USP21: variants seen among roughly 807,000 people sequenced by gnomAD.
The protein encoded by USP21 is ubiquitin specific peptidase 21.
In USP21, 37 loss-of-function variants were observed where a neutral mutation model predicts 70.8. The ratio of observed to expected loss-of-function variants is 0.52; its 90% confidence interval spans 0.40 to 0.69. The LOEUF (loss-of-function observed/expected upper bound fraction) is 0.69. Among genes scored for constraint, USP21 ranks in the 30% least tolerant of loss-of-function variants. The probability of loss-of-function intolerance (pLI) is 0.00; values close to 1 mark genes in which losing one functional copy is unlikely to be tolerated. For missense variants in USP21, 584 were observed against 740.8 expected (o/e 0.79, Z 2.46); for synonymous variants, 263 against 283.1 (o/e 0.93, Z 0.71).
Position 161,160,474 on chromosome 1 carries a change from T to C in USP21, c.-54T>C. 1 of 871,158 alleles carries C rather than the reference T, an allele frequency of 1.1e-6. No homozygotes were observed. The allele number at this position is 871,158 out of a possible 1,614,324, so 54.0% of individuals were successfully genotyped here. ...AGTGGTGATGACTGAGCCAACCACC[T>C]AATGTGGAAATGAGAGGACAGCAAG... On this transcript the variant is annotated 5_prime_UTR_variant, in exon 2 of 14. It removes the in-frame stop codon of an upstream open reading frame in the 5' UTR. Transcript: ENST00000368002.
rs1657940659 is a variant in USP21 at position 161,161,688 on chromosome 1, G to A, written c.601-350G>A. On this transcript the variant is annotated intron_variant, in intron 3 of 13. Coordinates refer to ENST00000368002, the MANE Select transcript of USP21 (RefSeq NM_001014443.3). The surrounding 1 kb of genome is among the most constrained non-coding windows in gnomAD (Gnocchi z 4.2). ...GAGAAGGGCAAGAAGGGGCCACGGG[G>A]GCAGGAGGGGGTTTTGGGGGCAGAA... 6 of 436,492 alleles carry A rather than the reference G, an allele frequency of 1.4e-5. No individual in the cohort carries two copies. In the South Asian group the frequency reaches 1.8e-4, roughly 13 times the overall value. 27.0% of individuals were successfully genotyped at this position (436,492 alleles called of 1,614,324 possible).
chr1:161,164,854 C>G lies in USP21; in HGVS notation c.1404C>G (p.Ala468=). 6.2e-7 allele frequency: 1 copy of G among 1,613,874 alleles called. No homozygotes were observed. Among genetic ancestry groups the G allele is most frequent in the Non-Finnish European group, 8.5e-7 (1 of 1,179,888 alleles). ...GCTTAGATCTGAATCGATTTTCTGC[C>G]TCCCGAGGCTCCATCAAAAAAAGTT... ...ILVLHLNRFS[A]SRGSIKKSSV... Residue 468 remains alanine (A), a synonymous_variant, in exon 12 of 14, where the codon GCC becomes GCG. Transcript: ENST00000368002. The surrounding 1 kb of genome is among the most constrained non-coding windows in gnomAD (Gnocchi z 4.2).
chr1:161,161,723 T>G lies in USP21; in HGVS notation c.601-315T>G. 2.2e-6 allele frequency: 1 copy of G among 459,082 alleles called. No homozygotes were observed. Among genetic ancestry groups the G allele is most frequent in the East Asian group, 3.8e-5 (1 of 26,594 alleles). The allele number at this position is 459,082 out of a possible 1,614,324, so 28.4% of individuals were successfully genotyped here. ...GGTTTTGGGGGCAGAAAGGTGGGAGTGGTGAGCAGCTGGGCAACCATGCCG... is the reference window on the plus strand; with the variant it reads ...GGTTTTGGGGGCAGAAAGGTGGGAGGGGTGAGCAGCTGGGCAACCATGCCG... On this transcript the variant is annotated intron_variant, in intron 3 of 13. Transcript: ENST00000368002. This position sits in a 1 kb window ranked among gnomAD's most constrained non-coding sequence, Gnocchi z 4.2.
In USP21 at chr1:161,164,781, G is replaced by A. The variant is rs1213375417; in HGVS notation, c.1385-54G>A. ...GGAGAGGACAGCTTTCAGGATAGAA[G>A]AAGTTCCCCTCAGAGGCCCACTGCC... is the stretch of plus-strand genomic sequence containing the variant. On this transcript the variant is annotated intron_variant, in intron 11 of 13. Transcript: ENST00000368002. The surrounding 1 kb of genome is among the most constrained non-coding windows in gnomAD (Gnocchi z 4.2). 1.9e-6 allele frequency: 3 copies of A among 1,598,130 alleles called. No homozygotes were observed. Among genetic ancestry groups the A allele is most frequent in the African/African-American group, 2.7e-5 (2 of 74,392 alleles).
rs921556824 is a variant in USP21 at position 161,163,720 on chromosome 1, G to A, written c.1114+101G>A. On this transcript the variant is annotated intron_variant, in intron 8 of 13. Coordinates refer to ENST00000368002, the MANE Select transcript of USP21 (RefSeq NM_001014443.3). ...TATCAAGGGGTATGGGAACAAGACT[G>A]GATGATGCAAATGTGAAGCTGTGTG... is the stretch of plus-strand genomic sequence containing the variant. 2.2e-5 allele frequency: 31 copies of A among 1,406,926 alleles called. No homozygotes were observed. In the African/African-American group the frequency reaches 4.0e-4, roughly 18 times the overall value. The allele number at this position is 1,406,926 out of a possible 1,614,324, so 87.2% of individuals were successfully genotyped here.
rs756279751 is a variant in USP21, at chr1:161,164,292, C to G, written c.1305+42C>G. ...AAGGGATACAGTAAGGGTGGGAGAC[C>G]TGGGGGGACTCCATGTGGATAAAAG... On this transcript the variant is annotated intron_variant, in intron 10 of 13. Coordinates refer to ENST00000368002, the MANE Select transcript of USP21 (RefSeq NM_001014443.3). The surrounding 1 kb of genome is among the most constrained non-coding windows in gnomAD (Gnocchi z 4.2). 7 of 1,571,440 alleles carry G rather than the reference C, an allele frequency of 4.5e-6. No individual in the cohort carries two copies. Among genetic ancestry groups the G allele is most frequent in the Admixed American group, 1.7e-5 (1 of 59,894 alleles).
At position 161,164,919 on chromosome 1, in the gene USP21, G is replaced by T; in HGVS notation, c.1469G>T (p.Gly490Val). The T allele has an allele frequency of 6.2e-7, 1 of 1,614,056 alleles. No homozygotes were observed. The highest frequency in any genetic ancestry group is 8.5e-7 in the Non-Finnish European group (1 of 1,179,960). Residue 490 changes from glycine to valine, a missense_variant, in exon 12 of 14, where the codon GGG becomes GTG. Gly to Val is a moderately radical substitution (Grantham distance 109). Around this residue, in one of 4 missense-constraint regions of USP21, gnomAD observed 173 missense variants for 268.2 expected, o/e 0.65. Transcript: ENST00000368002. This position sits in a 1 kb window ranked among gnomAD's most constrained non-coding sequence, Gnocchi z 4.2. ...VDFPLQRLSLGDFASDKAGSP... is the reference protein window; with the variant it reads ...VDFPLQRLSLVDFASDKAGSP... ...TTTCCACTGCAGCGACTGAGCCTAG[G>T]GGACTTTGCCAGTGACAAAGCCGGT...
At position 161,160,662 on chromosome 1, in the gene USP21, C is replaced by T. The variant is rs780961535; in HGVS notation, c.22C>T (p.Arg8Cys). 3.7e-6 allele frequency: 6 copies of T among 1,613,850 alleles called. No homozygotes were observed. Among genetic ancestry groups the T allele is most frequent in the South Asian group, 1.1e-5 (1 of 91,056 alleles). ...CACAATGCCCCAGGCCTCTGAGCACCGCCTGGGCCGTACCCGAGAGCCACC... is the reference window on the plus strand; with the variant it reads ...CACAATGCCCCAGGCCTCTGAGCACTGCCTGGGCCGTACCCGAGAGCCACC... MPQASEHRLGRTREPPVN... is the reference protein window; with the variant it reads MPQASEHCLGRTREPPVN... Residue 8 changes from arginine (R) to cysteine (C), a missense_variant, in exon 3 of 14, where the codon CGC becomes TGC. Arg to Cys is a radical substitution (Grantham distance 180). Coordinates refer to ENST00000368002, the MANE Select transcript of USP21 (RefSeq NM_001014443.3).
At position 161,160,602 on chromosome 1, in the gene USP21, ACT is replaced by A. The variant is rs771976856; in HGVS notation, c.-21-13_-21-12del. On this transcript the variant is annotated splice_polypyrimidine_tract_variant and intron_variant, in intron 2 of 13. Transcript: ENST00000368002. ...TTTCCCCCCATATTCAAATGCTGAC[ACT>A]CTCTTCTCCTCCCAGGTCCAGCCTG... 15 of 1,587,994 alleles carry A rather than the reference ACT, an allele frequency of 9.4e-6. No homozygotes were observed. The African/African-American group carries it at 1.3e-4, about 14-fold the overall frequency.
Position 161,162,628 on chromosome 1 carries a change from G to A in USP21, c.795G>A (p.Val265=). ...CCATCCCAACAGCCTTTGCAGATGT[G>A]ATTGGTGCCCTCTGGCACCCTGACT... ...AQELTEAFAD[V]IGALWHPDSC... Residue 265 remains valine (V), a synonymous_variant, in exon 6 of 14, where the codon GTG becomes GTA. Coordinates refer to ENST00000368002, the MANE Select transcript of USP21 (RefSeq NM_001014443.3). The surrounding 1 kb of genome is among the most constrained non-coding windows in gnomAD (Gnocchi z 4.1). The A allele has an allele frequency of 6.2e-7, 1 of 1,613,128 alleles. No individual in the cohort carries two copies. The highest frequency in any genetic ancestry group is 1.1e-5 in the South Asian group (1 of 91,044).
At position 161,162,261 on chromosome 1, in the gene USP21, G is replaced by A. The variant is rs776393913; in HGVS notation, c.661-9G>A. 1.8e-5 allele frequency: 29 copies of A among 1,606,466 alleles called. No individual in the cohort carries two copies. Among genetic ancestry groups the A allele is most frequent in the Non-Finnish European group, 2.4e-5 (28 of 1,174,896 alleles). ...GAGAGATAACAGCAGTGTCCCTACT[G>A]CTCCCCAGTGCTTCCTGAATGCTGT... On this transcript the variant is annotated splice_polypyrimidine_tract_variant and intron_variant, in intron 4 of 13. Coordinates refer to ENST00000368002, the MANE Select transcript of USP21 (RefSeq NM_001014443.3). The surrounding 1 kb of genome is among the most constrained non-coding windows in gnomAD (Gnocchi z 4.1).
intron 8 of USP21, 92 bp downstream of exon 8, chr1:161,163,711 A>G: frequency 7.0e-7 from 1 of 1,429,626 alleles, no homozygotes; most frequent in Non-Finnish European, 9.9e-7. Flanking sequence ...GGGGTATGGG[A>G]ACAAGACTGG....
At position 161,165,607 on chromosome 1, in the gene USP21, C is replaced by T; in HGVS notation, c.*160C>T. The T allele has an allele frequency of 1.7e-6, 1 of 592,346 alleles. No homozygotes were observed. The highest frequency in any genetic ancestry group is 3.0e-5 in the Admixed American group (1 of 33,730). 36.7% of individuals were successfully genotyped at this position (592,346 alleles called of 1,614,324 possible). ...TTTTTTATTAAAAAATACCCTTCCA[C>T]CTGGAGGCTCCCTTGTCTCCCAGCC... On this transcript the variant is annotated 3_prime_UTR_variant, in exon 14 of 14. Transcript: ENST00000368002.
chr1:161,162,439 C>A lies in USP21; in HGVS notation c.781+49C>A, dbSNP rs1274016349. 5 of 1,567,190 alleles carry A rather than the reference C, an allele frequency of 3.2e-6. No homozygotes were observed. Among genetic ancestry groups the A allele is most frequent in the Non-Finnish European group, 4.3e-6 (5 of 1,155,072 alleles). ...TCTGTTCAAGTCCCTTTTTCCCCAA[C>A]CACTTGCAGGTCCATCTGCCACTGG... is the stretch of plus-strand genomic sequence containing the variant. On this transcript the variant is annotated intron_variant, in intron 5 of 13. Transcript: ENST00000368002. This position sits in a 1 kb window ranked among gnomAD's most constrained non-coding sequence, Gnocchi z 4.1.
chr1:161,163,728 C>A (rs1411245487), intron 8 of USP21, 109 bp downstream of exon 8: 2 of 1,384,038 alleles, frequency 1.4e-6, no homozygotes, highest in East Asian at 4.6e-5. Flanking sequence ...CTGGATGATG[C>A]AAATGTGAAG....
chr1:161,164,405 C>A lies in USP21; in HGVS notation c.1306-129C>A. 1 of 1,348,878 alleles carries A rather than the reference C, an allele frequency of 7.4e-7. No homozygotes were observed. The allele number at this position is 1,348,878 out of a possible 1,614,324, so 83.6% of individuals were successfully genotyped here. A position where few individuals can be genotyped will look rare whatever the true frequency, so the allele number is the denominator to read the frequency against. On this transcript the variant is annotated intron_variant, in intron 10 of 13. Coordinates refer to ENST00000368002, the MANE Select transcript of USP21 (RefSeq NM_001014443.3). The surrounding 1 kb of genome is among the most constrained non-coding windows in gnomAD (Gnocchi z 4.2). ...CAGATCTGTTCTAGTACTCCTAGAGCAAAGGGGAGAAGCCAAGAGGATCCA... is the reference window on the plus strand; with the variant it reads ...CAGATCTGTTCTAGTACTCCTAGAGAAAAGGGGAGAAGCCAAGAGGATCCA...
At position 161,162,721 on chromosome 1, in the gene USP21, A is replaced by G; in HGVS notation, c.888A>G (p.Gly296=). ...AGAAATATGTTCCCTCCTTCTCTGG[A>G]TACAGGTGGGAGAGCTGGAGGCTAT... ...VFQKYVPSFS[G]YSQQDAQEFL... Residue 296 remains glycine (G), a synonymous_variant, in exon 6 of 14, where the codon GGA becomes GGG. Coordinates refer to ENST00000368002, the MANE Select transcript of USP21 (RefSeq NM_001014443.3). The surrounding 1 kb of genome is among the most constrained non-coding windows in gnomAD (Gnocchi z 4.1). The G allele has an allele frequency of 6.2e-7, 1 of 1,610,972 alleles. No homozygotes were observed. The highest frequency in any genetic ancestry group is 8.5e-7 in the Non-Finnish European group (1 of 1,177,136).
Position 161,164,164 on chromosome 1 carries a change from A to G in USP21, c.1219A>G (p.Lys407Glu), listed in dbSNP as rs752855778. ...GACCTTTCTTCCCCTTTTCCCCCAG[A>G]AAGGATTTGCTGGGGGCAAGGTGTC... Reference protein sequence around the residue: ...FCDLSLPIPKKGFAGGKVSLR... With the variant: ...FCDLSLPIPKEGFAGGKVSLR... Residue 407 changes from lysine to glutamate, a missense_variant and splice_region_variant, in exon 10 of 14, where the codon AAA becomes GAA. Physicochemically the swap from Lys to Glu is moderately conservative, Grantham distance 56. This residue lies in a region of USP21 where 173 missense variants were observed against 268.2 expected (regional missense o/e 0.65). Coordinates refer to ENST00000368002, the MANE Select transcript of USP21 (RefSeq NM_001014443.3). The surrounding 1 kb of genome is among the most constrained non-coding windows in gnomAD (Gnocchi z 4.2). 1 of 1,613,956 alleles carries G rather than the reference A, an allele frequency of 6.2e-7. No homozygotes were observed. Among genetic ancestry groups the G allele is most frequent in the Non-Finnish European group, 8.5e-7 (1 of 1,179,824 alleles).
chr1:161,164,743 G>A lies in USP21; in HGVS notation c.1385-92G>A, dbSNP rs1375622121. On this transcript the variant is annotated intron_variant, in intron 11 of 13. Transcript: ENST00000368002. The surrounding 1 kb of genome is among the most constrained non-coding windows in gnomAD (Gnocchi z 4.2). ...CACTTTTCCACAAGATGCTCCCAGT[G>A]TGTCGGGAGTGGGGAGAGGACAGCT... The A allele has an allele frequency of 1.3e-5, 20 of 1,597,798 alleles. No homozygotes were observed. Among genetic ancestry groups the A allele is most frequent in the Admixed American group, 5.1e-5 (3 of 58,676 alleles).
Sources: gnomAD v4.1 joint callset for allele counts on GRCh38, gnomAD v4.1.1 for gene constraint, gnomAD v4.1.1 regional missense constraint, Gnocchi (gnomAD v3.1) non-coding constraint, MANE v1.5 for transcripts, NCBI Gene and HGNC (gene_info 2026-07-23, HGNC 2026-07-21) for gene names.